The following DUS1L variants were observed in gnomAD, a reference collection of about 807,000 sequenced individuals.
DUS1L encodes the protein dihydrouridine synthase 1 like, also known as tRNA-dihydrouridine(16/17) synthase [NAD(P)(+)]-like.
DUS1L carries 56 observed loss-of-function variants against 61.2 expected under a neutral mutation model. The observed-to-expected ratio is 0.92, with a 90% CI of 0.74 to 1.14. The LOEUF (loss-of-function observed/expected upper bound fraction) is 1.14, where lower values mean the gene tolerates loss of function less well. DUS1L is among the 50% of genes most tolerant of loss of function. The pLI, the probability that DUS1L is intolerant of heterozygous loss-of-function variation, is 0.00. For missense variants in DUS1L, 630 were observed against 632.4 expected, an observed-to-expected ratio of 1.00 and a Z score of 0.04; for synonymous variants, 278 against 259.5, an observed-to-expected ratio of 1.07 and a Z score of -0.69.
Position 82,064,822 on chromosome 17 carries a change from C to T in DUS1L, c.237+1G>A, listed in dbSNP as rs1200446022. 2 of 1,607,212 alleles carry T rather than the reference C, an allele frequency of 1.2e-6. No individual in the cohort carries two copies. The highest frequency in any genetic ancestry group is 2.7e-5 in the African/African-American group (2 of 74,852). ...CCGCGGCCACAGCCCCTCCTGCGCA[C>T]CTGCACGATGAGGGGCCGGTCCTCG... is the stretch of plus-strand genomic sequence containing the variant. On this transcript the variant is annotated splice_donor_variant, in intron 2 of 13. Coordinates refer to ENST00000306796, the MANE Select transcript of DUS1L (RefSeq NM_022156.5). LOFTEE classifies it high-confidence loss of function.
intron 5 of DUS1L, among the ~76,000 whole-genome samples, 184 bp downstream of exon 5, chr17:82,062,677 T>C (rs1486259087): frequency 2.0e-5 from 3 of 152,234 alleles, no homozygotes; most frequent in Admixed American, 6.5e-5. Context: ...AAGCAGTTTC[T>C]GTTGTAGAGG....
chr17:82,061,658 G>A lies in DUS1L; in HGVS notation c.657C>T (p.Arg219=). The stretch of plus-strand genomic sequence containing the variant: ...CCTGCACACCCGTGTCCCGGAGGCA[G>A]CGCTCCACGTCCTGCAGGCACTGGA... ...GNIQCLQDVE[R]CLRDTGVQGV... Residue 219 remains arginine, a synonymous_variant, in exon 7 of 14, where the codon CGC becomes CGT. Coordinates refer to ENST00000306796, the MANE Select transcript of DUS1L (RefSeq NM_022156.5). 1 of 1,612,896 alleles carries A rather than the reference G, an allele frequency of 6.2e-7. No individual in the cohort carries two copies. The highest frequency in any genetic ancestry group is 1.1e-5 in the South Asian group (1 of 91,080).
Position 82,057,941 on chromosome 17 carries a change from G to T in DUS1L, c.*174C>A, listed in dbSNP as rs565794079. On this transcript the variant is annotated 3_prime_UTR_variant, in exon 14 of 14. Coordinates refer to ENST00000306796, the MANE Select transcript of DUS1L (RefSeq NM_022156.5). The stretch of plus-strand genomic sequence containing the variant: ...GCGTGCTGAGGACAGGGCAGGTCCA[G>T]CCTGGGGCCTGCTCCCCACTGCAGC... The T allele has an allele frequency of 2.9e-5, 21 of 722,028 alleles. No individual in the cohort carries two copies. The South Asian group carries it at 5.3e-4, about 18-fold the overall frequency. The allele number at this position is 722,028 out of a possible 1,614,324, so 44.7% of individuals were successfully genotyped here.
chr17:82,062,927 G>A lies in DUS1L; in HGVS notation c.444C>T (p.Ile148=). The change falls in exon 5 of 14, where the codon ATC becomes ATT. Residue 148 remains isoleucine (I), a synonymous_variant. Coordinates refer to ENST00000306796, the MANE Select transcript of DUS1L (RefSeq NM_022156.5). ...TCTTGTCAATCTCCGGGAAGACACGGATTTTGCACGTGACAGGAACAGAGA... is the reference window on the plus strand; with the variant it reads ...TCTTGTCAATCTCCGGGAAGACACGAATTTTGCACGTGACAGGAACAGAGA... ...EKLSVPVTCK[I]RVFPEIDKTV... is the part of the protein sequence containing the mutation. 1 of 1,613,122 alleles carries A rather than the reference G, an allele frequency of 6.2e-7. No homozygotes were observed. The highest frequency in any genetic ancestry group is 1.3e-5 in the African/African-American group (1 of 75,072).
chr17:82,057,577 A>G lies in DUS1L; in HGVS notation c.*538T>C, dbSNP rs888343569. 7.1e-6 allele frequency: 2 copies of G among 282,632 alleles called. No individual in the cohort carries two copies. The highest frequency in any genetic ancestry group is 7.0e-6 in the Non-Finnish European group (1 of 142,596). The allele number at this position is 282,632 out of a possible 1,614,324, so 17.5% of individuals were successfully genotyped here. A position where few individuals can be genotyped will look rare whatever the true frequency, so the allele number is the denominator to read the frequency against. ...CTAGGCTTGGAGGCAGGGCCTGGTGAGAGAAATGAGAAGCCTGGCCCTCAG... is the reference window on the plus strand; with the variant it reads ...CTAGGCTTGGAGGCAGGGCCTGGTGGGAGAAATGAGAAGCCTGGCCCTCAG... On this transcript the variant is annotated 3_prime_UTR_variant, in exon 14 of 14. Transcript: ENST00000306796.
rs1447193248 is a variant in DUS1L at position 82,058,984 on chromosome 17, C to T, written c.1169-166G>A. On this transcript the variant is annotated intron_variant, in intron 11 of 13. Transcript: ENST00000306796. Reference sequence around the variant, plus strand: ...AGAGGATGCAGGCTGGCCACGTCTGCTTTTCCTTCCGTGAGCAATGGGTGA... The same window carrying T: ...AGAGGATGCAGGCTGGCCACGTCTGTTTTTCCTTCCGTGAGCAATGGGTGA... The T allele has an allele frequency of 2.0e-5, 13 of 648,988 alleles. No homozygotes were observed. In the South Asian group the frequency reaches 2.2e-4, roughly 11 times the overall value. 40.2% of individuals were successfully genotyped at this position (648,988 alleles called of 1,614,324 possible). A position where few individuals can be genotyped will look rare whatever the true frequency, so the allele number is the denominator to read the frequency against.
intron 6 of DUS1L, 54 bp from the exon 7 acceptor site, chr17:82,061,775 G>A (rs2033512978): frequency 1.9e-6 from 3 of 1,598,980 alleles, no homozygotes; most frequent in Non-Finnish European, 8.6e-7. Flanking sequence ...CCCAGGTGAT[G>A]CTGCCCCCAG....
intron 10 of DUS1L, chr17:82,060,339 T>C (rs2033419424): frequency 1.7e-6 from 1 of 596,774 alleles, no homozygotes; most frequent in African/African-American, 1.9e-5. Context: ...GGGAGGGCTG[T>C]GGCCACGGAT....
Position 82,061,373 on chromosome 17 carries a change from G to T in DUS1L, c.698-20C>A, listed in dbSNP as rs542386854. The stretch of plus-strand genomic sequence containing the variant: ...TGCCCTCTGTGGGAGGAGGAGCGGG[G>T]AAGGACACCTCGTGGGTTGCTCCAG... On this transcript the variant is annotated intron_variant, in intron 7 of 13. Transcript: ENST00000306796. 2.1e-5 allele frequency: 32 copies of T among 1,557,670 alleles called. No individual in the cohort carries two copies. In the Admixed American group the frequency reaches 5.5e-4, roughly 27 times the overall value.
Position 82,060,506 on chromosome 17 carries a change from C to A in DUS1L, c.1022+195G>T, listed in dbSNP as rs945191854. ...GAGGACACAGCTGAGCCACCAGCAT[C>A]CTCCACCAAGGACACCGAGGGGCAC... On this transcript the variant is annotated intron_variant, in intron 10 of 13. Transcript: ENST00000306796. The A allele has an allele frequency of 6.0e-6, 4 of 662,902 alleles. No homozygotes were observed. In the Admixed American group the frequency reaches 1.2e-4, roughly 19 times the overall value. 41.1% of individuals were successfully genotyped at this position (662,902 alleles called of 1,614,324 possible). A position where few individuals can be genotyped will look rare whatever the true frequency, so the allele number is the denominator to read the frequency against.
At chr17:82,061,143 G>T in intron 8 of DUS1L, 66 bp downstream of exon 8, 1 of 1,559,828 alleles carries the variant, frequency 6.4e-7, no homozygotes, top group Non-Finnish European at 8.7e-7. Context: ...AATGCCCCAG[G>T]TGGGGTCTGA....
intron 8 of DUS1L, 68 bp downstream of exon 8, chr17:82,061,113 TGTTTTGACAAAACCTGCAAAATGCCCCA>T: frequency 1.9e-6 from 3 of 1,551,586 alleles, no homozygotes; most frequent in Non-Finnish European, 2.6e-6. Context: ...AGCAGCAAGT[TGTTTTGACAAAACCTGCAAAATGCCCCA>T]GGTGGGGTCT....
At chr17:82,058,889 G>T in intron 11 of DUS1L, 71 bp from the exon 12 acceptor site, 1 of 1,391,816 alleles carries the variant, frequency 7.2e-7, no homozygotes, top group Non-Finnish European at 1.0e-6. Context: ...TGCCCCGTCC[G>T]CCTGCACGGA....
At chr17:82,060,269 G>C in intron 10 of DUS1L, 176 bp from the exon 11 acceptor site, 1 of 803,704 alleles carries the variant, frequency 1.2e-6, no homozygotes, top group Non-Finnish European at 1.9e-6. Context: ...TAGGGAGTCC[G>C]GGGCCTCTGA....
At position 82,058,125 on chromosome 17, in the gene DUS1L, G is replaced by A. The variant is rs1487942912; in HGVS notation, c.1412C>T (p.Ala471Val). Residue 471 changes from alanine to valine, a missense_variant, in exon 14 of 14, where the codon GCC (alanine) becomes GTC (valine). Coordinates refer to ENST00000306796, the MANE Select transcript of DUS1L (RefSeq NM_022156.5). ...GGGGGTTGTGGGCCTTCAGGCCAGG[G>A]CACTGCCCATGACTTCGGAGAAGCC... The part of the protein sequence containing the change: ...PGGFSEVMGS[A>V]LA The A allele has an allele frequency of 1.3e-6, 2 of 1,577,118 alleles. No homozygotes were observed. Among genetic ancestry groups the A allele is most frequent in the East Asian group, 2.3e-5 (1 of 43,438 alleles).
Position 82,060,059 on chromosome 17 carries a change from G to A in DUS1L, c.1057C>T (p.Arg353Cys), listed in dbSNP as rs769318809. The stretch of plus-strand genomic sequence containing the variant: ...TCTTCCTCCAGGGCCCGCTTGCTGC[G>A]CGCACCTGCCTTCTCCTTGCTCCCC... Reference protein sequence around the residue: ...REGSKEKAGARSKRALEEEEG... With the variant: ...REGSKEKAGACSKRALEEEEG... The change falls in exon 11 of 14, where the codon CGC becomes TGC. Residue 353 changes from arginine to cysteine, a missense_variant. Arg to Cys is a radical substitution (Grantham distance 180, BLOSUM62 -3). Coordinates refer to ENST00000306796, the MANE Select transcript of DUS1L (RefSeq NM_022156.5). 32 of 1,613,226 alleles carry A rather than the reference G, an allele frequency of 2.0e-5. No individual in the cohort carries two copies. The East Asian group carries it at 2.7e-4, about 13-fold the overall frequency.
chr17:82,061,706 G>T lies in DUS1L; in HGVS notation c.609C>A (p.Ile203=). 1.9e-6 allele frequency: 3 copies of T among 1,612,908 alleles called. No individual in the cohort carries two copies. The highest frequency in any genetic ancestry group is 2.5e-6 in the Non-Finnish European group (3 of 1,179,886). Residue 203 remains isoleucine, a synonymous_variant, in exon 7 of 14, where the codon ATC becomes ATA. Transcript: ENST00000306796. The stretch of plus-strand genomic sequence containing the variant: ...GGATGTTCCCGTTAGCAAACACAGG[G>T]ATGGCCACAGCCTTCCTGTTGGCAG... ...HIKAVRKAVA[I]PVFANGNIQC...
chr17:82,060,069 C>G lies in DUS1L; in HGVS notation c.1047G>C (p.Lys349Asn). 1 of 1,613,108 alleles carries G rather than the reference C, an allele frequency of 6.2e-7. No individual in the cohort carries two copies. Among genetic ancestry groups the G allele is most frequent in the Non-Finnish European group, 8.5e-7 (1 of 1,179,878 alleles). The change falls in exon 11 of 14, where the codon AAG (lysine) becomes AAC (asparagine). Residue 349 changes from lysine (K) to asparagine (N), a missense_variant. Physicochemically the swap from Lys to Asn is moderately conservative, Grantham distance 94 (BLOSUM62 0). Coordinates refer to ENST00000306796, the MANE Select transcript of DUS1L (RefSeq NM_022156.5). ...GGGCCCGCTTGCTGCGCGCACCTGC[C>G]TTCTCCTTGCTCCCCTCCCTGGGCC... ...RPGPREGSKE[K>N]AGARSKRALE...
chr17:82,065,308 A>C (rs1265348915), intron 1 of DUS1L: 1 of 479,250 alleles, frequency 2.1e-6, no homozygotes, highest in Non-Finnish European at 3.7e-6. Flanking sequence ...GGGGAGCGGG[A>C]CTCGATGTCG....
Sources: gnomAD v4.1 joint callset for allele counts (sites outside exome capture counted in the v4.1 genomes callset) on GRCh38, gnomAD v4.1.1 for gene constraint, MANE v1.5 for transcripts, NCBI Gene and HGNC (gene_info 2026-07-23, HGNC 2026-07-21) for gene names.